Variants in PRLR observed in about 807,000 individuals in gnomAD.
PRLR encodes the protein prolactin receptor, also known as hPRL receptor.
PRLR carries 13 observed loss-of-function variants against 40.2 expected under a neutral mutation model. The ratio of observed to expected loss-of-function variants is 0.32; its 90% CI spans 0.21 to 0.51. PRLR has a LOEUF of 0.51. Among genes scored for constraint, PRLR ranks in the 20% least tolerant of loss-of-function variants. The pLI, the probability that PRLR is intolerant of heterozygous loss-of-function variation, is 0.97. For missense variants in PRLR, 656 were observed against 747.3 expected, an observed-to-expected ratio of 0.88 and a Z score of 1.42; for synonymous variants, 269 against 278.7, an observed-to-expected ratio of 0.97 and a Z score of 0.35.
chr5:35,146,806 T>C (rs1267555319), intron 1 of PRLR, among the ~76,000 whole-genome samples: 1 of 152,202 alleles, frequency 6.6e-6, no homozygotes, highest in Non-Finnish European at 1.5e-5. Flanking sequence ...AAAATCCAGT[T>C]TGTGCTCTTA....
chr5:35,153,740 T>C (rs1265387673), intron 1 of PRLR, among the ~76,000 whole-genome samples: 1 of 142,412 alleles, frequency 7.0e-6, no homozygotes, highest in Admixed American at 7.2e-5. Flanking sequence ...ACACACACAC[T>C]GCACACACTA....
rs140432080 is a variant in PRLR, at chr5:35,077,792, A to G, written c.374-5048T>C. Reference sequence around the variant, plus strand: ...CATCACATGTATTCCAAAGCAGACCACATAGTTGGAAGGAAAGCACTCCTC... The same window carrying G: ...CATCACATGTATTCCAAAGCAGACCGCATAGTTGGAAGGAAAGCACTCCTC... On this transcript the variant is annotated intron_variant, in intron 5 of 9. Coordinates refer to ENST00000618457, the MANE Select transcript of PRLR (RefSeq NM_000949.7). 1.7e-3 allele frequency among the ~76,000 whole-genome samples: 261 copies of G among 152,292 alleles called. 2 individuals carry two copies. Among genetic ancestry groups the G allele is most frequent in the African/African-American group, 6.0e-3 (250 of 41,522 alleles).
intron 2 of PRLR, among the ~76,000 whole-genome samples, chr5:35,113,721 C>T (rs932047010): frequency 2.0e-5 from 3 of 152,216 alleles, no homozygotes; most frequent in Non-Finnish European, 4.4e-5. Flanking sequence ...GTAAATGATG[C>T]AAGTGCTAAG....
chr5:35,077,064 A>G (rs1248685845), intron 5 of PRLR, among the ~76,000 whole-genome samples: 2 of 152,222 alleles, frequency 1.3e-5, no homozygotes, highest in African/African-American at 4.8e-5. Flanking sequence ...ATGGAAAGGA[A>G]CAACCGGTAC....
chr5:35,110,174 A>C (rs1225052032), intron 2 of PRLR, among the ~76,000 whole-genome samples: 2 of 152,196 alleles, frequency 1.3e-5, no homozygotes. Flanking sequence ...CAATGAGAAC[A>C]GTTGGACACA....
At chr5:35,137,255 G>T (rs540734583) in intron 1 of PRLR, among the ~76,000 whole-genome samples, 56 of 152,342 alleles carry the variant, frequency 3.7e-4, no homozygotes, top group Middle Eastern at 3.4e-3. Flanking sequence ...GGTTGTAAGT[G>T]ACTGGACTGT....
At chr5:35,195,780 GC>G (rs1308664346) in intron 1 of PRLR, 2 of 152,170 alleles carry the variant, frequency 1.3e-5, no homozygotes, top group African/African-American at 4.8e-5. Flanking sequence ...ATTTTTGTAG[GC>G]AAGGCAATTC....
exon 9 of PRLR, chr5:35,048,911 G>A: frequency 2.9e-6 from 1 of 346,364 alleles, no homozygotes; most frequent in South Asian, 2.2e-5. Context: ...GAGGGACTGG[G>A]GATGGGTAGA....
intron 1 of PRLR, among the ~76,000 whole-genome samples, chr5:35,126,183 C>A (rs1773458300): frequency 6.6e-6 from 1 of 152,168 alleles, no homozygotes; most frequent in South Asian, 2.1e-4. Flanking sequence ...AAGTTGAGAA[C>A]TGAAATATTA....
rs1579805797 is a variant in PRLR, at chr5:35,210,092, A to G, written c.-106+20176T>C. Among the ~76,000 whole-genome samples, 2 of 152,080 alleles carry G rather than the reference A, an allele frequency of 1.3e-5. 1 individual carries two copies. The highest frequency in any genetic ancestry group is 4.1e-4 in the South Asian group (2 of 4,828). Reference sequence around the variant, plus strand: ...GGTTTCTTCATTTCCCTACATTGGCATGCTCCCTCCCACCTCAGTGCCTTT... The same window carrying G: ...GGTTTCTTCATTTCCCTACATTGGCGTGCTCCCTCCCACCTCAGTGCCTTT... On this transcript the variant is annotated intron_variant, in intron 1 of 9. Transcript: ENST00000618457.
intron 2 of PRLR, among the ~76,000 whole-genome samples, chr5:35,110,568 T>C (rs958521998): frequency 2.6e-5 from 4 of 152,066 alleles, no homozygotes; most frequent in Non-Finnish European, 4.4e-5. Context: ...TAAAATTCTC[T>C]CTATAGTCCC....
intron 1 of PRLR, among the ~76,000 whole-genome samples, chr5:35,210,101 C>T (rs1776131818): frequency 6.6e-6 from 1 of 152,186 alleles, no homozygotes. Flanking sequence ...CATGCTCCCT[C>T]CCACCTCAGT....
chr5:35,071,317 A>G (rs1021800781), intron 6 of PRLR, among the ~76,000 whole-genome samples: 6 of 152,126 alleles, frequency 3.9e-5, no homozygotes, highest in African/African-American at 4.8e-5. Flanking sequence ...ACTGAAGGAT[A>G]TAACGACCAG....
At chr5:35,153,237 G>T (rs1453643767) in intron 1 of PRLR, among the ~76,000 whole-genome samples, 4 of 152,152 alleles carry the variant, frequency 2.6e-5, no homozygotes, top group African/African-American at 9.7e-5. Context: ...ATAATCTTTG[G>T]ATTACAAAAT....
chr5:35,150,497 CTAAT>C (rs879593334), intron 1 of PRLR, among the ~76,000 whole-genome samples: 1 of 152,126 alleles, frequency 6.6e-6, no homozygotes, highest in East Asian at 1.9e-4. Context: ...TGCTGTCAGA[CTAAT>C]TATGCATGAT....
rs945484505 is a variant in PRLR at position 35,118,114 on chromosome 5, G to A, written c.-97C>T. ...AGTGTTCGCCTCCATGAATAGGAGA[G>A]TTCTTTAGCTGAAAGAGGAAATGAT... On this transcript the variant is annotated 5_prime_UTR_variant, in exon 2 of 10. Coordinates refer to ENST00000618457, the MANE Select transcript of PRLR (RefSeq NM_000949.7). 5.1e-6 allele frequency: 5 copies of A among 985,180 alleles called. No homozygotes were observed. In the African/African-American group the frequency reaches 8.7e-5, roughly 17 times the overall value. 61.0% of individuals were successfully genotyped at this position (985,180 alleles called of 1,614,324 possible).
At chr5:35,139,385 T>C (rs1773949457) in intron 1 of PRLR, among the ~76,000 whole-genome samples, 1 of 152,152 alleles carries the variant, frequency 6.6e-6, no homozygotes. Flanking sequence ...CCCAAAGTGC[T>C]GGGATTACAG....
chr5:35,221,392 G>A (rs1776415575), intron 1 of PRLR, among the ~76,000 whole-genome samples: 1 of 152,204 alleles, frequency 6.6e-6, no homozygotes, highest in African/African-American at 2.4e-5. Flanking sequence ...AAATTTTAGT[G>A]ATGAGGCTAC....
chr5:35,150,229 C>G (rs1579734473), intron 1 of PRLR, among the ~76,000 whole-genome samples: 1 of 152,136 alleles, frequency 6.6e-6, no homozygotes, highest in Non-Finnish European at 1.5e-5. Flanking sequence ...TATCATAGAG[C>G]CCACTTCTTT....
Sources: gnomAD v4.1 joint callset for allele counts (sites outside exome capture counted in the v4.1 genomes callset) on GRCh38, gnomAD v4.1.1 for gene constraint, MANE v1.5 for transcripts, NCBI Gene and HGNC (gene_info 2026-07-23, HGNC 2026-07-21) for gene names.